ADAMTS19: variants seen among roughly 807,000 people sequenced by gnomAD.
ADAMTS19 encodes ADAM metallopeptidase with thrombospondin type 1 motif 19.
Under a neutral mutation model 153.3 loss-of-function variants are expected in ADAMTS19, and 93 were observed. The observed-to-expected ratio is 0.61, with a 90% CI of 0.51 to 0.72. The LOEUF (loss-of-function observed/expected upper bound fraction) is 0.72, where lower values mean the gene tolerates loss of function less well. ADAMTS19 is among the 30% of genes least tolerant of loss of function. The pLI is 0.00. For synonymous variants in ADAMTS19, 600 were observed against 556.6 expected, an observed-to-expected ratio of 1.08 and a Z score of -1.10; for missense variants, 1,482 against 1,552.1, an observed-to-expected ratio of 0.95 and a Z score of 0.76.
intron 7 of ADAMTS19, among the ~76,000 whole-genome samples, chr5:129,584,318 T>C (rs1436346560): frequency 6.6e-6 from 1 of 152,178 alleles, no homozygotes; most frequent in Non-Finnish European, 1.5e-5. Flanking sequence ...CTCTCCTGTA[T>C]GAGGTGTCTG....
chr5:129,649,328 T>C (rs1753210812), intron 13 of ADAMTS19, among the ~76,000 whole-genome samples: 1 of 152,098 alleles, frequency 6.6e-6, no homozygotes, highest in Non-Finnish European at 1.5e-5. Context: ...AAACATACAC[T>C]AACAATACAG....
chr5:129,628,163 G>C (rs1448023815), intron 10 of ADAMTS19, among the ~76,000 whole-genome samples: 1 of 151,978 alleles, frequency 6.6e-6, no homozygotes, highest in Non-Finnish European at 1.5e-5. Context: ...AACATGGATG[G>C]AGGTGGAGGC....
intron 21 of ADAMTS19, among the ~76,000 whole-genome samples, chr5:129,723,303 C>A (rs183969717): frequency 1.8e-4 from 27 of 152,206 alleles, no homozygotes; most frequent in Admixed American, 6.5e-4. Context: ...AAATTATTTT[C>A]AGGTAAAATA....
intron 2 of ADAMTS19, among the ~76,000 whole-genome samples, chr5:129,468,511 G>A (rs567911409): frequency 3.0e-4 from 46 of 150,888 alleles, no homozygotes; most frequent in Non-Finnish European, 1.9e-4. Flanking sequence ...GCACCACCAC[G>A]CCCAGCTAAT....
At chr5:129,659,780 G>A (rs1753745240) in intron 15 of ADAMTS19, among the ~76,000 whole-genome samples, 1 of 151,782 alleles carries the variant, frequency 6.6e-6, no homozygotes, top group Admixed American at 6.6e-5. Context: ...GTAAACATGG[G>A]GTCTCACTAT....
At chr5:129,645,126 G>A (rs1225008601) in intron 11 of ADAMTS19, among the ~76,000 whole-genome samples, 1 of 152,036 alleles carries the variant, frequency 6.6e-6, no homozygotes, top group Non-Finnish European at 1.5e-5. Flanking sequence ...TTAGTGTGTT[G>A]GGTCATGCAC....
chr5:129,633,285 C>G (rs1214896155), intron 10 of ADAMTS19, among the ~76,000 whole-genome samples: 1 of 152,054 alleles, frequency 6.6e-6, no homozygotes, highest in Non-Finnish European at 1.5e-5. Context: ...ATTTCCGTTA[C>G]CTCACTAGGT....
chr5:129,474,953 G>A (rs552032546), intron 2 of ADAMTS19, among the ~76,000 whole-genome samples: 4 of 152,114 alleles, frequency 2.6e-5, no homozygotes, highest in East Asian at 1.9e-4. Context: ...CTACTATTTA[G>A]TTTTAAGAGT....
intron 10 of ADAMTS19, among the ~76,000 whole-genome samples, chr5:129,636,625 G>T (rs62399043): frequency 0.047 from 7,123 of 152,266 alleles, 245 homozygotes; most frequent in Non-Finnish European, 0.07. Context: ...ATGTGGAGTG[G>T]AGGAGGTGAA....
At chr5:129,675,355 C>T (rs962964287) in intron 16 of ADAMTS19, among the ~76,000 whole-genome samples, 5 of 152,106 alleles carry the variant, frequency 3.3e-5, no homozygotes, top group Admixed American at 6.5e-5. Context: ...TGCCCCCACC[C>T]GTATTTCTGG....
In ADAMTS19 at chr5:129,665,522, C is replaced by A. The variant is rs2127082471; in HGVS notation, c.2449C>A (p.Pro817Thr). 6.2e-7 allele frequency: 1 copy of A among 1,610,106 alleles called. No individual in the cohort carries two copies. The highest frequency in any genetic ancestry group is 1.1e-5 in the South Asian group (1 of 90,794). Reference protein sequence around the residue: ...GAGYVEVLVIPAGARRIKVVE... With the variant: ...GAGYVEVLVITAGARRIKVVE... ...AGGTTATGTAGAAGTGCTGGTGATA[C>A]CTGCTGGAGCAAGAAGAATCAAAGT... The change falls in exon 16 of 23, where the codon CCT becomes ACT. Residue 817 changes from proline (P) to threonine (T), a missense_variant. Transcript: ENST00000274487.
chr5:129,460,550 C>A, intron 1 of ADAMTS19, 68 bp downstream of exon 1: 1 of 1,583,604 alleles, frequency 6.3e-7, no homozygotes, highest in South Asian at 1.1e-5. Flanking sequence ...ACGTACGGGT[C>A]GGCAGGGCTG....
intron 15 of ADAMTS19, among the ~76,000 whole-genome samples, chr5:129,664,117 CTG>C (rs1227470225): frequency 4.6e-5 from 7 of 152,158 alleles, no homozygotes; most frequent in African/African-American, 1.7e-4. Flanking sequence ...AATCCTACCT[CTG>C]TGAATAAAAA....
chr5:129,490,530 C>G (rs1454093963), intron 2 of ADAMTS19, among the ~76,000 whole-genome samples: 1 of 152,120 alleles, frequency 6.6e-6, no homozygotes, highest in Non-Finnish European at 1.5e-5. Context: ...CTAAAGCTCT[C>G]TAATTCCTAT....
At chr5:129,553,125 C>G (rs1278558470) in intron 7 of ADAMTS19, among the ~76,000 whole-genome samples, 1 of 152,032 alleles carries the variant, frequency 6.6e-6, no homozygotes, top group Admixed American at 6.6e-5. Flanking sequence ...ACCAGTAAAG[C>G]TTGTCTCAAA....
chr5:129,658,538 A>G, intron 14 of ADAMTS19, 79 bp from the exon 15 acceptor site: 1 of 1,439,884 alleles, frequency 6.9e-7, no homozygotes, highest in Admixed American at 2.0e-5. Context: ...GTTTATAGAG[A>G]CTAGGTTTGT....
chr5:129,529,518 A>G (rs1752126317), intron 6 of ADAMTS19, among the ~76,000 whole-genome samples: 1 of 152,168 alleles, frequency 6.6e-6, no homozygotes, highest in African/African-American at 2.4e-5. Flanking sequence ...TGCAACAAGC[A>G]ATCATAACAT....
At chr5:129,522,731 T>C (rs1561549829) in intron 3 of ADAMTS19, among the ~76,000 whole-genome samples, 1 of 151,760 alleles carries the variant, frequency 6.6e-6, no homozygotes, top group Non-Finnish European at 1.5e-5. Context: ...GGCATAGAAG[T>C]CATAATACAA....
At chr5:129,593,398 CCTT>C in intron 7 of ADAMTS19, among the ~76,000 whole-genome samples, 1 of 152,102 alleles carries the variant, frequency 6.6e-6, no homozygotes, top group Non-Finnish European at 1.5e-5. Flanking sequence ...CTACCTGCAC[CCTT>C]CTTTACTCTT....
Sources: allele counts gnomAD v4.1 joint callset (sites outside exome capture counted in the v4.1 genomes callset), GRCh38; gene constraint gnomAD v4.1.1; transcripts MANE v1.5; gene names NCBI Gene and HGNC (gene_info 2026-07-23, HGNC 2026-07-21).